CDIN1: variants seen among roughly 807,000 people sequenced by gnomAD.
The protein encoded by CDIN1 is CDAN1-interacting nuclease 1.
A neutral mutation model predicts 45.3 loss-of-function variants in CDIN1; 33 were observed. The ratio of observed to expected loss-of-function variants is 0.73; its 90% CI spans 0.55 to 0.97. CDIN1 has a LOEUF of 0.97. Among genes scored for constraint, CDIN1 ranks in the 50% least tolerant of loss-of-function variants. The pLI is 0.00. For synonymous variants in CDIN1, 118 were observed against 124.4 expected (o/e 0.95, Z 0.34); for missense variants, 303 against 339.4 (o/e 0.89, Z 0.84).
At chr15:36,623,490 T>C (rs74524378) in intron 1 of CDIN1, among the ~76,000 whole-genome samples, 1,998 of 152,348 alleles carry the variant, frequency 0.013, 35 homozygotes, top group African/African-American at 0.045. Flanking sequence ...CAGTAGTGAA[T>C]GGTGGATTTT....
chr15:36,626,160 GTTTA>G (rs1450396571), intron 1 of CDIN1, among the ~76,000 whole-genome samples: 3 of 150,658 alleles, frequency 2.0e-5, no homozygotes, highest in Admixed American at 1.3e-4. Flanking sequence ...TTAAATTTTT[GTTTA>G]TTTAAGCCCC....
At chr15:36,677,819 A>T (rs1383257992) in intron 5 of CDIN1, among the ~76,000 whole-genome samples, 1 of 152,152 alleles carries the variant, frequency 6.6e-6, no homozygotes, top group Admixed American at 6.6e-5. Context: ...CAGATTTGGA[A>T]GTTGTGTGTG....
intron 10 of CDIN1, among the ~76,000 whole-genome samples, chr15:36,740,010 G>A (rs1050417249): frequency 1.3e-5 from 2 of 152,130 alleles, no homozygotes; most frequent in African/African-American, 2.4e-5. Context: ...TACTGGAAAA[G>A]GGCTTGCCCG....
intron 1 of CDIN1, among the ~76,000 whole-genome samples, chr15:36,588,845 A>G (rs576142427): frequency 1.3e-5 from 2 of 152,184 alleles, no homozygotes; most frequent in Non-Finnish European, 2.9e-5. Flanking sequence ...TGCGAAAGGG[A>G]TATGAGCTTG....
intron 5 of CDIN1, among the ~76,000 whole-genome samples, chr15:36,666,630 A>C (rs1171576473): frequency 6.6e-6 from 1 of 152,152 alleles, no homozygotes; most frequent in African/African-American, 2.4e-5. Context: ...AGCCTAATTC[A>C]TTCTTCCTAC....
chr15:36,667,066 A>T (rs1005198001), intron 5 of CDIN1, among the ~76,000 whole-genome samples: 1 of 152,236 alleles, frequency 6.6e-6, no homozygotes, highest in African/African-American at 2.4e-5. Context: ...CCTCACAATT[A>T]TGCTCAACTA....
rs2043512801 is a variant in CDIN1 at position 36,723,562 on chromosome 15, C to A, written c.716+13601C>A. On this transcript the variant is annotated intron_variant, in intron 10 of 10. Transcript: ENST00000566621. ...AAGTATTTTTTACTACTTCATATTTCTTTTATTTATTTTTTATTTTAGAGA... is the reference window on the plus strand; with the variant it reads ...AAGTATTTTTTACTACTTCATATTTATTTTATTTATTTTTTATTTTAGAGA... 1.3e-5 allele frequency among the ~76,000 whole-genome samples: 2 copies of A among 152,004 alleles called. 1 individual carries two copies. The highest frequency in any genetic ancestry group is 4.8e-5 in the African/African-American group (2 of 41,404).
chr15:36,678,038 C>T (rs768860893), intron 5 of CDIN1, among the ~76,000 whole-genome samples: 1 of 152,186 alleles, frequency 6.6e-6, no homozygotes, highest in Non-Finnish European at 1.5e-5. Context: ...TATTTGATAG[C>T]TCTAGTCTAA....
intron 5 of CDIN1, among the ~76,000 whole-genome samples, chr15:36,659,875 A>G (rs968422549): frequency 6.6e-6 from 1 of 151,834 alleles, no homozygotes; most frequent in Non-Finnish European, 1.5e-5. Flanking sequence ...AATTAATGCC[A>G]GGTTATAGAA....
In CDIN1 at chr15:36,726,003, T is replaced by C. The variant is rs74988140; in HGVS notation, c.716+16042T>C. Among the ~76,000 whole-genome samples the C allele has an allele frequency of 2.9e-3, 439 of 152,296 alleles. 13 individuals carry two copies. The East Asian group carries it at 0.069, about 24-fold the overall frequency. On this transcript the variant is annotated intron_variant, in intron 10 of 10. Transcript: ENST00000566621. ...GTGTGGAAAGTTTACATATTTGTCA[T>C]AATATTGGAAAAAGGAGTATTCAAG...
intron 4 of CDIN1, among the ~76,000 whole-genome samples, chr15:36,655,931 A>G (rs1051405205): frequency 6.6e-6 from 1 of 152,172 alleles, no homozygotes; most frequent in Non-Finnish European, 1.5e-5. Flanking sequence ...TTCTAGTAAT[A>G]TGGAAAAATT....
chr15:36,792,580 T>G (rs1347090218), intron 10 of CDIN1, among the ~76,000 whole-genome samples: 1 of 148,990 alleles, frequency 6.7e-6, no homozygotes, highest in Non-Finnish European at 1.5e-5. Flanking sequence ...GTCTTTTTTC[T>G]GTATGAAGTG....
rs909902129 is a variant in CDIN1 at position 36,700,289 on chromosome 15, G to C, written c.544+2899G>C. On this transcript the variant is annotated intron_variant, in intron 8 of 10. Transcript: ENST00000566621. Reference sequence around the variant, plus strand: ...CTCCCAGTGCTCATAGTCAAGCACCGTATTGCATGTGTGATCCAATGAGAA... The same window carrying C: ...CTCCCAGTGCTCATAGTCAAGCACCCTATTGCATGTGTGATCCAATGAGAA... Among the ~76,000 whole-genome samples the C allele has an allele frequency of 2.0e-5, 3 of 152,130 alleles. No homozygotes were observed. The East Asian group carries it at 5.8e-4, about 29-fold the overall frequency.
chr15:36,648,074 T>G (rs992858968), intron 3 of CDIN1, among the ~76,000 whole-genome samples: 3 of 151,984 alleles, frequency 2.0e-5, no homozygotes, highest in African/African-American at 7.2e-5. Flanking sequence ...CTCCTGACCT[T>G]GTGATCCGGC....
rs71126233 is a variant in CDIN1 at position 36,703,219 on chromosome 15, A to AATATATATATATATATATATATAT, written c.544+5843_544+5844insATATATATATATATATATATATAT. 3.3e-4 allele frequency among the ~76,000 whole-genome samples: 19 copies of AATATATATATATATATATATATAT among 57,376 alleles called. 3 individuals carry two copies. The highest frequency in any genetic ancestry group is 2.5e-3 in the East Asian group (4 of 1,572). 37.6% of individuals were successfully genotyped at this position (57,376 alleles called of 152,430 possible). On this transcript the variant is annotated intron_variant, in intron 8 of 10. Transcript: ENST00000566621. ...GGCAATAGAGTGAGACCCTGTCTCA[A>AATATATATATATATATATATATAT]ATATATATATATATCAGATATATAT...
intron 10 of CDIN1, chr15:36,734,481 T>G (rs1219908162): frequency 9.4e-6 from 3 of 319,134 alleles, no homozygotes; most frequent in Non-Finnish European, 1.2e-5. Flanking sequence ...CCAAGCTGAA[T>G]TACAGCAGAG....
intron 3 of CDIN1, among the ~76,000 whole-genome samples, chr15:36,647,885 G>C (rs2040403369): frequency 6.7e-6 from 1 of 148,160 alleles, no homozygotes; most frequent in African/African-American, 2.5e-5. Context: ...TGTCGCCCAG[G>C]CTGGAGCACA....
intron 5 of CDIN1, among the ~76,000 whole-genome samples, chr15:36,658,892 AT>A (rs1369797646): frequency 2.6e-5 from 4 of 152,168 alleles, no homozygotes; most frequent in Non-Finnish European, 4.4e-5. Flanking sequence ...ATTTGAATGA[AT>A]TAAGTACTTC....
At chr15:36,717,333 A>G (rs981077038) in intron 10 of CDIN1, among the ~76,000 whole-genome samples, 2 of 151,950 alleles carry the variant, frequency 1.3e-5, no homozygotes, top group Admixed American at 1.3e-4. Context: ...AATCCCTTCA[A>G]TTCTCCCTGC....
Sources: allele counts gnomAD v4.1 joint callset (sites outside exome capture counted in the v4.1 genomes callset), GRCh38; gene constraint gnomAD v4.1.1; transcripts MANE v1.5; gene names NCBI Gene and HGNC (gene_info 2026-07-23, HGNC 2026-07-21).